The following ZNF398 variants were observed in gnomAD, a reference collection of about 807,000 sequenced individuals.
ZNF398 encodes the protein zinc finger protein 398.
Under a neutral mutation model 41.9 loss-of-function variants are expected in ZNF398, and 18 were observed. That is an observed-to-expected ratio of 0.43 (90% CI 0.30 to 0.64). The LOEUF (loss-of-function observed/expected upper bound fraction) is 0.64. Ranked by LOEUF, ZNF398 falls within the 30% of genes least tolerant of loss-of-function variation. The pLI, the probability that ZNF398 is intolerant of heterozygous loss-of-function variation, is 0.14. For synonymous variants in ZNF398, 260 were observed against 308.8 expected (o/e 0.84, Z 1.66); for missense variants, 669 against 822.8 (o/e 0.81, Z 2.29).
intron 2 of ZNF398, among the ~76,000 whole-genome samples, chr7:149,141,464 T>C (rs1826825120): frequency 7.1e-6 from 1 of 141,224 alleles, no homozygotes; most frequent in Non-Finnish European, 1.6e-5. Context: ...TTCTTTTTTT[T>C]TTTTTTTTGA....
At chr7:149,155,972 C>T (rs1294751347) in intron 2 of ZNF398, among the ~76,000 whole-genome samples, 2 of 151,768 alleles carry the variant, frequency 1.3e-5, no homozygotes, top group Non-Finnish European at 2.9e-5. Flanking sequence ...GTGATCCGCT[C>T]GCCTTGGCCT....
chr7:149,143,593 C>T (rs1467715718), upstream of ZNF398, among the ~76,000 whole-genome samples: 3 of 152,204 alleles, frequency 2.0e-5, no homozygotes, highest in Non-Finnish European at 2.9e-5. Context: ...GTGGGCAGAT[C>T]ACCTGAGGTC....
chr7:149,158,872 A>T (rs1325119456), intron 2 of ZNF398, among the ~76,000 whole-genome samples: 1 of 152,046 alleles, frequency 6.6e-6, no homozygotes, highest in Non-Finnish European at 1.5e-5. Context: ...TATTTTAAGA[A>T]TAATAGTAAA....
intron 4 of ZNF398, among the ~76,000 whole-genome samples, chr7:149,167,711 C>T (rs1191580349): frequency 1.3e-5 from 2 of 148,764 alleles, no homozygotes; most frequent in African/African-American, 2.5e-5. Flanking sequence ...CCTGGGTTCA[C>T]GCCACTCTCC....
At chr7:149,149,900 T>A (rs1827069730) in intron 1 of ZNF398, among the ~76,000 whole-genome samples, 2 of 152,120 alleles carry the variant, frequency 1.3e-5, no homozygotes, top group Admixed American at 1.3e-4. Context: ...TTTATACTCA[T>A]AGCACATCTC....
At chr7:149,176,438 A>C in intron 4 of ZNF398, 30 bp from the exon 5 acceptor site, 1 of 1,469,982 alleles carries the variant, frequency 6.8e-7, no homozygotes, top group Non-Finnish European at 9.5e-7. Context: ...AAGTTCATGA[A>C]GGCCATTTTT....
At chr7:149,156,421 C>T (rs185927013) in intron 2 of ZNF398, among the ~76,000 whole-genome samples, 89 of 145,374 alleles carry the variant, frequency 6.1e-4, no homozygotes, top group Non-Finnish European at 1.0e-3. Flanking sequence ...GCAGGAGAAT[C>T]GCTTGAAGTT....
At position 149,150,696 on chromosome 7, in the gene ZNF398, G is replaced by A. The variant is rs1007051216; in HGVS notation, c.24+2930G>A. Among the ~76,000 whole-genome samples the A allele has an allele frequency of 7.0e-5, 7 of 99,464 alleles. No homozygotes were observed. The East Asian group carries it at 9.8e-4, about 14-fold the overall frequency. The allele number at this position is 99,464 out of a possible 152,430, so 65.3% of individuals were successfully genotyped here. A position where few individuals can be genotyped will look rare whatever the true frequency, so the allele number is the denominator to read the frequency against. ...CAAGATCTCCAGGTGATTCTTCCCC[G>A]CCTCCCGCGCCCCCCCGCCTCCCCT... is the stretch of plus-strand genomic sequence containing the variant. On this transcript the variant is annotated intron_variant, in intron 1 of 5. Coordinates refer to ENST00000475153, the MANE Select transcript of ZNF398 (RefSeq NM_170686.3).
intron 2 of ZNF398, among the ~76,000 whole-genome samples, chr7:149,142,449 C>G (rs996875621): frequency 1.3e-5 from 2 of 152,074 alleles, no homozygotes; most frequent in Admixed American, 1.3e-4. Flanking sequence ...GGGCGGATCA[C>G]GAGGTCAGGA....
chr7:149,177,185 T>G (rs554855818), intron 5 of ZNF398, among the ~76,000 whole-genome samples: 51 of 152,256 alleles, frequency 3.3e-4, no homozygotes, highest in Non-Finnish European at 6.6e-4. Flanking sequence ...AAACATAAGA[T>G]AGTTTTAGCT....
At chr7:149,155,188 G>A (rs1794941160) in intron 2 of ZNF398, among the ~76,000 whole-genome samples, 3 of 152,112 alleles carry the variant, frequency 2.0e-5, no homozygotes, top group South Asian at 2.1e-4. Flanking sequence ...TTGGGAGGCC[G>A]AGAAAGGCAG....
intron 2 of ZNF398, among the ~76,000 whole-genome samples, chr7:149,157,992 G>C (rs1194813145): frequency 6.6e-6 from 1 of 152,148 alleles, no homozygotes; most frequent in African/African-American, 2.4e-5. Context: ...TGTGGCAGGA[G>C]AATCGCTTGA....
intron 2 of ZNF398, among the ~76,000 whole-genome samples, chr7:149,132,080 G>A (rs980480257): frequency 6.6e-6 from 1 of 151,854 alleles, no homozygotes; most frequent in African/African-American, 2.4e-5. Flanking sequence ...TACGTTCCTA[G>A]AAAAATATTG....
At chr7:149,159,865 A>G (rs1585525449) in intron 2 of ZNF398, among the ~76,000 whole-genome samples, 1 of 152,058 alleles carries the variant, frequency 6.6e-6, no homozygotes, top group Non-Finnish European at 1.5e-5. Flanking sequence ...AGCTGGGACT[A>G]AAAGCATGCA....
intron 4 of ZNF398, among the ~76,000 whole-genome samples, chr7:149,173,205 A>G (rs896853591): frequency 1.3e-5 from 2 of 149,558 alleles, no homozygotes; most frequent in Admixed American, 1.4e-4. Context: ...CCTAGGTTCA[A>G]GCAATTCTCT....
intron 2 of ZNF398, among the ~76,000 whole-genome samples, chr7:149,156,504 CAAAAAA>C (rs1184656145): frequency 1.6e-4 from 6 of 36,498 alleles, no homozygotes; most frequent in South Asian, 1.1e-3. Flanking sequence ...GACTCCATCT[CAAAAAA>C]AAAAAAAAAA....
chr7:149,132,642 G>A (rs192524989), intron 2 of ZNF398, among the ~76,000 whole-genome samples: 40 of 152,226 alleles, frequency 2.6e-4, no homozygotes, highest in African/African-American at 8.4e-4. Flanking sequence ...CAGGTGGGAC[G>A]TCTACATAGC....
At position 149,147,494 on chromosome 7, in the gene ZNF398, G is replaced by T. The variant is rs1242282289; in HGVS notation, c.-249G>T. On this transcript the variant is annotated 5_prime_UTR_variant, in exon 1 of 6. Coordinates refer to ENST00000475153, the MANE Select transcript of ZNF398 (RefSeq NM_170686.3). The surrounding 1 kb of genome is among the most constrained non-coding windows in gnomAD (Gnocchi z 5.6). ...AAGCGCCAGCTGAGGGGCCGCTGCG[G>T]GTGGAGTGCGGCGGAGTCGGCCTCG... 2.6e-5 allele frequency: 8 copies of T among 306,986 alleles called. No individual in the cohort carries two copies. The highest frequency in any genetic ancestry group is 4.4e-5 in the African/African-American group (2 of 45,226). The allele number at this position is 306,986 out of a possible 1,614,324, so 19.0% of individuals were successfully genotyped here.
At chr7:149,171,088 T>G (rs1795330441) in intron 4 of ZNF398, among the ~76,000 whole-genome samples, 2 of 150,718 alleles carry the variant, frequency 1.3e-5, no homozygotes, top group Admixed American at 6.6e-5. Flanking sequence ...GACCTCATGA[T>G]CCACCTACCT....
Sources: allele counts gnomAD v4.1 joint callset (sites outside exome capture counted in the v4.1 genomes callset), GRCh38; gene constraint gnomAD v4.1.1; non-coding constraint Gnocchi (gnomAD v3.1); transcripts MANE v1.5; gene names NCBI Gene and HGNC (gene_info 2026-07-23, HGNC 2026-07-21).